Variants in KIF11 observed in about 807,000 individuals in gnomAD.
KIF11 encodes the protein kinesin-like protein KIF11.
A neutral mutation model predicts 121.0 loss-of-function variants in KIF11; 9 were observed. That is an observed-to-expected ratio of 0.07 (90% CI 0.04 to 0.13). KIF11 has a LOEUF of 0.13. KIF11 is among the 10% of genes least tolerant of loss of function. The pLI, the probability that KIF11 is intolerant of heterozygous loss-of-function variation, is 1.00. For missense variants in KIF11, 846 were observed against 1,217.5 expected (o/e 0.69, Z 4.54); for synonymous variants, 408 against 421.0 (o/e 0.97, Z 0.38).
intron 8 of KIF11, among the ~76,000 whole-genome samples, 158 bp from the exon 9 acceptor site, chr10:92,616,579 T>A (rs1844559770): frequency 6.6e-6 from 1 of 152,204 alleles, no homozygotes; most frequent in African/African-American, 2.4e-5. Flanking sequence ...AACAACTTCC[T>A]TTTTAAAGGT....
intron 11 of KIF11, 46 bp downstream of exon 11, chr10:92,628,941 T>TGAAA: frequency 9.7e-7 from 1 of 1,036,006 alleles, no homozygotes; most frequent in Non-Finnish European, 1.4e-6. Context: ...AAGCAAATAT[T>TGAAA]GAAAGAAAAT....
chr10:92,647,327 A>T (rs1844930667), intron 18 of KIF11, among the ~76,000 whole-genome samples: 1 of 152,120 alleles, frequency 6.6e-6, no homozygotes, highest in Non-Finnish European at 1.5e-5. Context: ...TTAAGACTAG[A>T]GGTCCTTAAG....
In KIF11 at chr10:92,648,199, G is replaced by A. The variant is rs372954774; in HGVS notation, c.2548-13G>A. The A allele has an allele frequency of 9.4e-6, 14 of 1,490,374 alleles. No individual in the cohort carries two copies. The African/African-American group carries it at 1.7e-4, about 18-fold the overall frequency. 92.3% of individuals were successfully genotyped at this position (1,490,374 alleles called of 1,614,324 possible). On this transcript the variant is annotated splice_polypyrimidine_tract_variant and intron_variant, in intron 18 of 21. Transcript: ENST00000260731. The stretch of plus-strand genomic sequence containing the variant: ...TAATTTTAGTAATAAATATTTATTT[G>A]CATCATTTACAGGTTGTAAGCCAAT...
chr10:92,653,604 T>C, intron 21 of KIF11, 61 bp from the exon 22 acceptor site: 1 of 1,461,854 alleles, frequency 6.8e-7, no homozygotes, highest in East Asian at 2.3e-5. Flanking sequence ...AAATAGAGTG[T>C]AGTTAATGTG....
At chr10:92,626,612 G>T (rs1426157857) in intron 10 of KIF11, among the ~76,000 whole-genome samples, 1 of 152,122 alleles carries the variant, frequency 6.6e-6, no homozygotes, top group African/African-American at 2.4e-5. Context: ...CTTTATTTAA[G>T]CCAAGCTTAA....
At position 92,606,522 on chromosome 10, in the gene KIF11, G is replaced by A. The variant is rs1844432386; in HGVS notation, c.211-97G>A. 4 of 1,132,686 alleles carry A rather than the reference G, an allele frequency of 3.5e-6. No homozygotes were observed. In the African/African-American group the frequency reaches 6.3e-5, roughly 18 times the overall value. The allele number at this position is 1,132,686 out of a possible 1,614,324, so 70.2% of individuals were successfully genotyped here. ...TCTCTGAATTGTCAGATGGCTTCTAGTGGGCTGAATTATGAATTAGTTAAC... is the reference window on the plus strand; with the variant it reads ...TCTCTGAATTGTCAGATGGCTTCTAATGGGCTGAATTATGAATTAGTTAAC... On this transcript the variant is annotated intron_variant, in intron 2 of 21. Transcript: ENST00000260731.
At position 92,593,202 on chromosome 10, in the gene KIF11, G is replaced by A. The variant is rs1844250077; in HGVS notation, c.-174G>A. On this transcript the variant is annotated 5_prime_UTR_variant, in exon 1 of 22. Transcript: ENST00000260731. The stretch of plus-strand genomic sequence containing the variant: ...CGACTGGCGCGGGACAAACGCCACG[G>A]CCAGAGTACCGGGTAGAGAGCGGGG... 5.2e-6 allele frequency: 3 copies of A among 578,448 alleles called. No homozygotes were observed. The South Asian group carries it at 6.6e-5, about 13-fold the overall frequency. 35.8% of individuals were successfully genotyped at this position (578,448 alleles called of 1,614,324 possible).
chr10:92,598,004 T>C (rs929101401), intron 1 of KIF11, among the ~76,000 whole-genome samples: 2 of 152,174 alleles, frequency 1.3e-5, no homozygotes, highest in Non-Finnish European at 2.9e-5. Context: ...CCAGACTTGT[T>C]GTGAACTCCT....
chr10:92,632,476 A>T lies in KIF11; in HGVS notation c.1495-10A>T, dbSNP rs894285556. On this transcript the variant is annotated splice_polypyrimidine_tract_variant and intron_variant, in intron 12 of 21. Transcript: ENST00000260731. ...TCCATTTTGTCTAACACTTATTTTT[A>T]AAAATATAGCTGCTTAACACAGTTG... 6 of 1,560,716 alleles carry T rather than the reference A, an allele frequency of 3.8e-6. No individual in the cohort carries two copies. Among genetic ancestry groups the T allele is most frequent in the East Asian group, 2.2e-5 (1 of 44,622 alleles).
chr10:92,616,675 G>C, intron 8 of KIF11, 62 bp from the exon 9 acceptor site: 1 of 812,144 alleles, frequency 1.2e-6, no homozygotes, highest in Non-Finnish European at 2.0e-6. Flanking sequence ...ACATATTTTA[G>C]ATAACAGAAC....
rs1203887569 is a variant in KIF11, at chr10:92,634,074, C to T, written c.1875+279C>T. 3.9e-5 allele frequency among the ~76,000 whole-genome samples: 6 copies of T among 152,110 alleles called. 1 individual carries two copies. The highest frequency in any genetic ancestry group is 1.4e-4 in the African/African-American group (6 of 41,410). The stretch of plus-strand genomic sequence containing the variant: ...TCTCGGCTCACTGCAAGCTCTACCT[C>T]CCGGGTTCATGCCATTCTCCTGCCT... On this transcript the variant is annotated intron_variant, in intron 14 of 21. Transcript: ENST00000260731.
Position 92,608,386 on chromosome 10 carries a change from A to G in KIF11, c.388-634A>G, listed in dbSNP as rs1037884344. Among the ~76,000 whole-genome samples, 6 of 152,136 alleles carry G rather than the reference A, an allele frequency of 3.9e-5. No homozygotes were observed. The East Asian group carries it at 1.2e-3, about 29-fold the overall frequency. On this transcript the variant is annotated intron_variant, in intron 4 of 21. Transcript: ENST00000260731. Reference sequence around the variant, plus strand: ...ATAATAAAGTTATGAAATTGTTACCATAGGAGATATGGAATAGGCTTAAAG... The same window carrying G: ...ATAATAAAGTTATGAAATTGTTACCGTAGGAGATATGGAATAGGCTTAAAG...
At chr10:92,597,133 G>C (rs1376184335) in intron 1 of KIF11, 2 of 287,118 alleles carry the variant, frequency 7.0e-6, no homozygotes, top group Non-Finnish European at 1.4e-5. Flanking sequence ...TTGGCCCTTT[G>C]TGCAGTGGGT....
chr10:92,650,614 C>A, intron 21 of KIF11, 97 bp downstream of exon 21: 1 of 719,824 alleles, frequency 1.4e-6, no homozygotes, highest in South Asian at 1.7e-5. Context: ...ACAACAAAAA[C>A]CTTTCAATTA....
chr10:92,627,181 C>T (rs12264372), intron 10 of KIF11, among the ~76,000 whole-genome samples: 22,699 of 152,142 alleles, frequency 0.15, 3,596 homozygotes, highest in African/African-American at 0.4. Context: ...CTAGCTAATA[C>T]GTTAAGGGAA....
At chr10:92,633,932 C>G (rs890322011) in intron 14 of KIF11, 137 bp downstream of exon 14, 1 of 507,588 alleles carries the variant, frequency 2.0e-6, no homozygotes, top group Non-Finnish European at 3.2e-6. Context: ...TTACTAGACA[C>G]AGTCATAGAC....
In KIF11 at chr10:92,613,870, G is replaced by C. The variant is rs942694022; in HGVS notation, c.1032+251G>C. ...GTACAACTGTGGTCCCAGCTACTTGGGGGGCTGAGGTGGGAGGATCACTTA... is the reference window on the plus strand; with the variant it reads ...GTACAACTGTGGTCCCAGCTACTTGCGGGGCTGAGGTGGGAGGATCACTTA... On this transcript the variant is annotated intron_variant, in intron 8 of 21. Coordinates refer to ENST00000260731, the MANE Select transcript of KIF11 (RefSeq NM_004523.4). This position sits in a 1 kb window ranked among gnomAD's most constrained non-coding sequence, Gnocchi z 4.2. 2.0e-5 allele frequency among the ~76,000 whole-genome samples: 3 copies of C among 151,770 alleles called. No individual in the cohort carries two copies. The highest frequency in any genetic ancestry group is 1.9e-4 in the East Asian group (1 of 5,168).
rs1844762395 is a variant in KIF11, at chr10:92,633,659, C to T, written c.1739C>T (p.Thr580Ile). 6.2e-7 allele frequency: 1 copy of T among 1,607,638 alleles called. No homozygotes were observed. The highest frequency in any genetic ancestry group is 1.1e-5 in the South Asian group (1 of 90,432). ...LLSSSVSALDTITTVALGSLT... is the reference protein window; with the variant it reads ...LLSSSVSALDIITTVALGSLT... The stretch of plus-strand genomic sequence containing the variant: ...TCTTCCAGTGTCTCTGCATTAGATA[C>T]CATTACTACAGTAGCACTTGGATCT... The change falls in exon 14 of 22, where the codon ACC (threonine) becomes ATC (isoleucine). Residue 580 changes from threonine (T) to isoleucine (I), a missense_variant. This residue lies in a region of KIF11 where 492 missense variants were observed against 603.4 expected (regional missense o/e 0.82). Transcript: ENST00000260731.
Position 92,593,141 on chromosome 10 carries a change from A to T in KIF11, c.-235A>T, listed in dbSNP as rs1487939355. On this transcript the variant is annotated 5_prime_UTR_variant, in exon 1 of 22. Transcript: ENST00000260731. ...CCGAGTCGTTGCTTAGTTTCTGGGG[A>T]TTCGGGCGGAGACGAGATTAGTGAT... The T allele has an allele frequency of 6.6e-5, 32 of 486,896 alleles. No individual in the cohort carries two copies. The highest frequency in any genetic ancestry group is 3.4e-4 in the South Asian group (12 of 35,716). The allele number at this position is 486,896 out of a possible 1,614,324, so 30.2% of individuals were successfully genotyped here.
Sources: gnomAD v4.1 joint callset for allele counts (sites outside exome capture counted in the v4.1 genomes callset) on GRCh38, gnomAD v4.1.1 for gene constraint, gnomAD v4.1.1 regional missense constraint, Gnocchi (gnomAD v3.1) non-coding constraint, MANE v1.5 for transcripts, NCBI Gene and HGNC (gene_info 2026-07-23, HGNC 2026-07-21) for gene names.